Variants in ANKRD17 observed in about 807,000 individuals in gnomAD.
ANKRD17 encodes ankyrin repeat domain-containing protein 17.
In ANKRD17, 19 loss-of-function variants were observed where a neutral mutation model predicts 229.7. The observed-to-expected ratio is 0.08, with a 90% CI of 0.06 to 0.12. ANKRD17 has a LOEUF of 0.12. Ranked by LOEUF, ANKRD17 falls within the 10% of genes least tolerant of loss-of-function variation. ANKRD17 has a pLI of 1.00. For synonymous variants in ANKRD17, 1,112 were observed against 1,146.1 expected (o/e 0.97, Z 0.60); for missense variants, 2,176 against 3,176.8 (o/e 0.68, Z 7.57).
Position 73,155,711 on chromosome 4 carries a change from G to A in ANKRD17, c.920C>T (p.Ala307Val). Residue 307 changes from alanine (A) to valine (V), a missense_variant, in exon 5 of 34, where the codon GCT (alanine) becomes GTT (valine). Ala to Val is a moderately conservative substitution (Grantham distance 64). Around this residue, in one of 18 missense-constraint regions of ANKRD17, gnomAD observed 184 missense variants for 357.8 expected, o/e 0.51. Coordinates refer to ENST00000358602, the MANE Select transcript of ANKRD17 (RefSeq NM_032217.5). ...GIKGDITPLM[A>V]AANGGHVKIV... ...TTTGACATGTCCTCCATTAGCAGCA[G>A]CCATTAAAGGTGTAATGTCACCTTT... The A allele has an allele frequency of 6.2e-7, 1 of 1,614,104 alleles. No individual in the cohort carries two copies. Among genetic ancestry groups the A allele is most frequent in the Non-Finnish European group, 8.5e-7 (1 of 1,179,986 alleles).
At chr4:73,076,842 A>T in intron 33 of ANKRD17, 98 bp downstream of exon 33, 1 of 1,401,454 alleles carries the variant, frequency 7.1e-7, no homozygotes. Flanking sequence ...GCCCATATTC[A>T]CCAAACTCTC....
intron 27 of ANKRD17, among the ~76,000 whole-genome samples, chr4:73,094,607 C>T (rs902975266): frequency 6.6e-6 from 1 of 151,490 alleles, no homozygotes; most frequent in Admixed American, 6.6e-5. Context: ...AAAACACCAC[C>T]ATGTCATGAG....
chr4:73,171,178 G>GGAGGGAGAGAGA (rs1733951816), intron 2 of ANKRD17, among the ~76,000 whole-genome samples: 1 of 104,446 alleles, frequency 9.6e-6, no homozygotes, highest in Non-Finnish European at 1.8e-5. Flanking sequence ...CTCAGAGGGG[G>GGAGGGAGAGAGA]GAGAGAGAGA....
intron 1 of ANKRD17, among the ~76,000 whole-genome samples, chr4:73,179,712 C>A (rs918992167): frequency 3.3e-5 from 5 of 150,984 alleles, no homozygotes; most frequent in Non-Finnish European, 4.4e-5. Context: ...GTGATCCTCC[C>A]ACTTTGGCCT....
rs1030662893 is a variant in ANKRD17 at position 73,258,724 on chromosome 4, C to G, written c.-56G>C. 7 of 1,388,752 alleles carry G rather than the reference C, an allele frequency of 5.0e-6. No individual in the cohort carries two copies. Among genetic ancestry groups the G allele is most frequent in the Non-Finnish European group, 6.5e-6 (7 of 1,081,398 alleles). 86.0% of individuals were successfully genotyped at this position (1,388,752 alleles called of 1,614,324 possible). A position where few individuals can be genotyped will look rare whatever the true frequency, so the allele number is the denominator to read the frequency against. On this transcript the variant is annotated 5_prime_UTR_variant, in exon 1 of 34. Transcript: ENST00000358602. Reference sequence around the variant, plus strand: ...GGAGGGGCGTGGGGCTACGCTCTACCGCGACTTCGGCCGCACTGGGGCCGA... The same window carrying G: ...GGAGGGGCGTGGGGCTACGCTCTACGGCGACTTCGGCCGCACTGGGGCCGA...
rs758059933 is a variant in ANKRD17 at position 73,139,757 on chromosome 4, G to T, written c.2859C>A (p.Ile953=). The part of the protein sequence containing the change: ...QTAAQMGFAP[I]QPLAMPQALP... ...AAGCTTGAGGCATCGCCAGAGGCTG[G>T]ATTGGCGCAAAACCCATCTGAGCAG... is the stretch of plus-strand genomic sequence containing the variant. Residue 953 remains isoleucine (I), a synonymous_variant, in exon 15 of 34, where the codon ATC becomes ATA. Coordinates refer to ENST00000358602, the MANE Select transcript of ANKRD17 (RefSeq NM_032217.5). 1 of 1,614,200 alleles carries T rather than the reference G, an allele frequency of 6.2e-7. No individual in the cohort carries two copies. The highest frequency in any genetic ancestry group is 2.2e-5 in the East Asian group (1 of 44,880).
At chr4:73,095,950 A>G (rs1187790163) in intron 27 of ANKRD17, among the ~76,000 whole-genome samples, 2 of 152,120 alleles carry the variant, frequency 1.3e-5, no homozygotes, top group Non-Finnish European at 2.9e-5. Flanking sequence ...TTGGCCTCCC[A>G]AAATGCTGGG....
chr4:73,112,861 C>T (rs564350426), intron 24 of ANKRD17: 1 of 323,786 alleles, frequency 3.1e-6, no homozygotes, highest in East Asian at 1.7e-4. Context: ...GATCTTGGCT[C>T]ACTGCAACCT....
chr4:73,227,930 T>C (rs894601364), intron 1 of ANKRD17, among the ~76,000 whole-genome samples: 9 of 152,166 alleles, frequency 5.9e-5, no homozygotes, highest in African/African-American at 2.2e-4. Context: ...GTTTCATTCC[T>C]ATCAATTTTT....
intron 13 of ANKRD17, 52 bp from the exon 14 acceptor site, chr4:73,141,895 T>A (rs1237860309): frequency 7.6e-7 from 1 of 1,313,110 alleles, no homozygotes; most frequent in South Asian, 1.3e-5. Flanking sequence ...ATCCATTAAG[T>A]AATATGCTCT....
chr4:73,168,980 T>A (rs944156716), intron 2 of ANKRD17: 1 of 152,180 alleles, frequency 6.6e-6, no homozygotes. Flanking sequence ...CTTCTTAGTG[T>A]CCATGTGTAC....
chr4:73,244,635 C>T (rs184247355), intron 1 of ANKRD17, among the ~76,000 whole-genome samples: 15 of 152,156 alleles, frequency 9.9e-5, no homozygotes, highest in Admixed American at 2.0e-4. Context: ...TGGAGTAGCA[C>T]ATAAAAGAAT....
chr4:73,253,463 T>C (rs1474946841), intron 1 of ANKRD17, among the ~76,000 whole-genome samples: 2 of 152,124 alleles, frequency 1.3e-5, no homozygotes, highest in Non-Finnish European at 2.9e-5. Context: ...TACGAGAAAA[T>C]TGTATTAACT....
At chr4:73,149,915 T>C (rs1056886272) in intron 7 of ANKRD17, among the ~76,000 whole-genome samples, 6 of 152,116 alleles carry the variant, frequency 3.9e-5, no homozygotes, top group Non-Finnish European at 7.4e-5. Context: ...TTCTGGTCAC[T>C]TTTTCCCACT....
rs991327183 is a variant in ANKRD17, at chr4:73,142,294, G to A, written c.2177C>T (p.Ala726Val). Residue 726 changes from alanine (A) to valine (V), a missense_variant, in exon 13 of 34, where the codon GCC (alanine) becomes GTC (valine). Transcript: ENST00000358602. ...TAACTGAGTGACATCTGGTGGAGGGGCTGAAAGCAAGTTATTAGGATAATC... is the reference window on the plus strand; with the variant it reads ...TAACTGAGTGACATCTGGTGGAGGGACTGAAAGCAAGTTATTAGGATAATC... ...LLDYPNNLLS[A>V]PPPDVTQLTP... is the part of the protein sequence containing the mutation. 1.9e-6 allele frequency: 3 copies of A among 1,560,108 alleles called. No homozygotes were observed. The highest frequency in any genetic ancestry group is 2.6e-6 in the Non-Finnish European group (3 of 1,165,986).
rs150995270 is a variant in ANKRD17 at position 73,158,968 on chromosome 4, A to G, written c.704+2224T>C. On this transcript the variant is annotated intron_variant, in intron 3 of 33. Transcript: ENST00000358602. ...TAAATTCCTTTTCTTGCCCAGTTTC[A>G]GGAATCCTGTTACACGCAACAGAAA... Among the ~76,000 whole-genome samples, 936 of 152,342 alleles carry G rather than the reference A, an allele frequency of 6.1e-3. 11 individuals are homozygous for G. The highest frequency in any genetic ancestry group is 0.019 in the African/African-American group (778 of 41,574).
intron 1 of ANKRD17, among the ~76,000 whole-genome samples, chr4:73,240,557 C>T (rs1310713045): frequency 1.3e-5 from 2 of 151,852 alleles, no homozygotes; most frequent in South Asian, 2.1e-4. Flanking sequence ...CCCAGGATTT[C>T]GAGGCGGCAG....
At chr4:73,163,913 T>C (rs964984961) in intron 2 of ANKRD17, among the ~76,000 whole-genome samples, 3 of 152,200 alleles carry the variant, frequency 2.0e-5, no homozygotes, top group African/African-American at 7.2e-5. Context: ...AAAATAAATC[T>C]GCCAAGAAGC....
At chr4:73,155,833 T>C (rs2148887640) in intron 4 of ANKRD17, 55 bp from the exon 5 acceptor site, 1 of 1,587,570 alleles carries the variant, frequency 6.3e-7, no homozygotes, top group Non-Finnish European at 8.6e-7. Context: ...TCAAAAAATT[T>C]TGAACACGTA....
Sources: gnomAD v4.1 joint callset for allele counts (sites outside exome capture counted in the v4.1 genomes callset) on GRCh38, gnomAD v4.1.1 for gene constraint, gnomAD v4.1.1 regional missense constraint, MANE v1.5 for transcripts, NCBI Gene and HGNC (gene_info 2026-07-23, HGNC 2026-07-21) for gene names.